FANCA: variants seen among roughly 807,000 people sequenced by gnomAD.
FANCA encodes the protein FA complementation group A.
Under a neutral mutation model 194.3 loss-of-function variants are expected in FANCA, and 236 were observed. That is an observed-to-expected ratio of 1.21 (90% CI 1.09 to 1.35). FANCA has a LOEUF of 1.35. Ranked by LOEUF, FANCA falls within the 40% of genes most tolerant of loss-of-function variation. The pLI, the probability that FANCA is intolerant of heterozygous loss-of-function variation, is 0.00. For synonymous variants in FANCA, 1,014 were observed against 715.8 expected (o/e 1.42, Z -6.65); for missense variants, 2,628 against 1,813.9 (o/e 1.45, Z -8.15).
intron 36 of FANCA, chr16:89,744,573 G>A (rs1490589823): frequency 3.0e-6 from 1 of 337,672 alleles, no homozygotes; most frequent in African/African-American, 2.1e-5. Flanking sequence ...AAGAGGAAGG[G>A]GAGCAGGTGC....
At chr16:89,813,806 C>CTCTGTGTGTGTGTG (rs1555578001) in intron 3 of FANCA, among the ~76,000 whole-genome samples, 1 of 149,432 alleles carries the variant, frequency 6.7e-6, no homozygotes, top group African/African-American at 2.5e-5. Flanking sequence ...AAGTCTTTTA[C>CTCTGTGTGTGTGTG]TGTGTGTGTG....
chr16:89,780,598 T>G (rs1340312642), intron 17 of FANCA, among the ~76,000 whole-genome samples: 1 of 147,988 alleles, frequency 6.8e-6, no homozygotes, highest in African/African-American at 2.5e-5. Flanking sequence ...TACTGCAGCC[T>G]GGGCAACAGG....
At chr16:89,758,493 C>G in intron 30 of FANCA, 84 bp downstream of exon 30, 2 of 1,546,514 alleles carry the variant, frequency 1.3e-6, no homozygotes, top group Non-Finnish European at 1.8e-6. Flanking sequence ...TAGATGGGCA[C>G]CAGCATGGCC....
chr16:89,798,487 A>G, intron 10 of FANCA: 1 of 1,097,806 alleles, frequency 9.1e-7, no homozygotes. Flanking sequence ...GAAAAGGTTG[A>G]CAAGGCCTGG....
intron 10 of FANCA, among the ~76,000 whole-genome samples, chr16:89,797,860 A>C (rs1345364251): frequency 1.3e-5 from 2 of 152,102 alleles, no homozygotes; most frequent in African/African-American, 4.8e-5. Flanking sequence ...TCACCACTGC[A>C]CTCCAGCCTG....
At chr16:89,800,763 G>A (rs576902526) in intron 8 of FANCA, among the ~76,000 whole-genome samples, 4 of 152,288 alleles carry the variant, frequency 2.6e-5, no homozygotes, top group South Asian at 2.1e-4. Context: ...GGGAACTGTG[G>A]CCCACGCCTG....
chr16:89,761,994 T>C lies in FANCA; in HGVS notation c.2807A>G (p.Glu936Gly), dbSNP rs766643461. ...HLTYQDWLHL[E>G]LEIQPEADAL... is the part of the protein sequence containing the mutation. ...ATCAGCTTCAGGTTGAATTTCCAGCTCCAGGTGTAACCAGTCTTGGTAAGT... is the reference window on the plus strand; with the variant it reads ...ATCAGCTTCAGGTTGAATTTCCAGCCCCAGGTGTAACCAGTCTTGGTAAGT... Residue 936 changes from glutamate to glycine, a missense_variant, in exon 29 of 43, where the codon GAG becomes GGG. Glu to Gly is a moderately conservative substitution (Grantham distance 98). Coordinates refer to ENST00000389301, the MANE Select transcript of FANCA (RefSeq NM_000135.4). 1.5e-5 allele frequency: 25 copies of C among 1,614,066 alleles called. No individual in the cohort carries two copies. Among genetic ancestry groups the C allele is most frequent in the Non-Finnish European group, 2.0e-5 (24 of 1,179,956 alleles).
At chr16:89,757,745 C>A (rs1195954508) in intron 30 of FANCA, among the ~76,000 whole-genome samples, 1 of 152,244 alleles carries the variant, frequency 6.6e-6, no homozygotes, top group African/African-American at 2.4e-5. Flanking sequence ...ACCTCAGGAA[C>A]TGCTCTGTCC....
chr16:89,761,828 G>A, intron 29 of FANCA, 121 bp downstream of exon 29: 2 of 800,814 alleles, frequency 2.5e-6, no homozygotes, highest in Non-Finnish European at 4.4e-6. Context: ...GTTTCCCCAT[G>A]TTGCCCAGGC....
At chr16:89,752,999 A>G (rs1413220715) in intron 30 of FANCA, among the ~76,000 whole-genome samples, 1 of 152,180 alleles carries the variant, frequency 6.6e-6, no homozygotes, top group Non-Finnish European at 1.5e-5. Context: ...TCTCCCTGTG[A>G]TGCTGTGCTT....
At chr16:89,766,100 G>A (rs1019727871) in intron 27 of FANCA, among the ~76,000 whole-genome samples, 1 of 151,642 alleles carries the variant, frequency 6.6e-6, no homozygotes, top group Non-Finnish European at 1.5e-5. Flanking sequence ...TGGTTCAAGC[G>A]ATTCTCCTGC....
chr16:89,808,370 G>GA lies in FANCA; in HGVS notation c.523-4dup. 9 of 1,613,842 alleles carry GA rather than the reference G, an allele frequency of 5.6e-6. No individual in the cohort carries two copies. Among genetic ancestry groups the GA allele is most frequent in the Non-Finnish European group, 7.6e-6 (9 of 1,179,930 alleles). ...ACCGCTTCAAGCAACAAAGAACTCTGAAAAACAAAACAAAACAAACAAAAA... is the reference window on the plus strand; with the variant it reads ...ACCGCTTCAAGCAACAAAGAACTCTGAAAAAACAAAACAAAACAAACAAAAA... On this transcript the variant is annotated splice_polypyrimidine_tract_variant and splice_region_variant and intron_variant, in intron 5 of 42. Coordinates refer to ENST00000389301, the MANE Select transcript of FANCA (RefSeq NM_000135.4).
At chr16:89,774,752 A>AAAAAAAAAAAAAAAAAC (rs2039442512) in intron 21 of FANCA, among the ~76,000 whole-genome samples, 2 of 148,216 alleles carry the variant, frequency 1.3e-5, no homozygotes, top group Non-Finnish European at 3.0e-5. Flanking sequence ...AAAAAAAAAA[A>AAAAAAAAAAAAAAAAAC]AATCTCAACG....
chr16:89,743,908 C>CTTT (rs144936523), intron 36 of FANCA, among the ~76,000 whole-genome samples: 19,095 of 152,034 alleles, frequency 0.13, 1,449 homozygotes, highest in East Asian at 0.22. Flanking sequence ...CTGCTTTCTC[C>CTTT]TTTTTTGAGA....
chr16:89,753,666 G>C (rs577297282), intron 30 of FANCA, among the ~76,000 whole-genome samples: 6 of 152,138 alleles, frequency 3.9e-5, no homozygotes, highest in Non-Finnish European at 8.8e-5. Context: ...GCAAACGTCA[G>C]ATTTAATGAG....
At chr16:89,791,607 G>T in intron 13 of FANCA, 71 bp from the exon 14 acceptor site, 2 of 1,596,078 alleles carry the variant, frequency 1.3e-6, no homozygotes, top group Admixed American at 1.7e-5. Context: ...GAGTTATGCT[G>T]GGTGATCAAG....
At chr16:89,781,384 A>C (rs1598132748) in intron 17 of FANCA, among the ~76,000 whole-genome samples, 1 of 146,720 alleles carries the variant, frequency 6.8e-6, no homozygotes, top group East Asian at 2.0e-4. Context: ...AAAAAAAAAA[A>C]AACAATACGC....
At chr16:89,768,363 T>C (rs1469255448) in intron 26 of FANCA, among the ~76,000 whole-genome samples, 1 of 152,186 alleles carries the variant, frequency 6.6e-6, no homozygotes, top group African/African-American at 2.4e-5. Context: ...TTCTAATACT[T>C]CTGTTTTACT....
At chr16:89,739,934 G>T (rs551944823) in intron 39 of FANCA, 60 bp downstream of exon 39, 94 of 1,606,014 alleles carry the variant, frequency 5.9e-5, no homozygotes, top group Non-Finnish European at 7.7e-5. Flanking sequence ...TTAACCATTT[G>T]CAAGATGCCT....
Sources: gnomAD v4.1 joint callset for allele counts (sites outside exome capture counted in the v4.1 genomes callset) on GRCh38, gnomAD v4.1.1 for gene constraint, MANE v1.5 for transcripts, NCBI Gene and HGNC (gene_info 2026-07-23, HGNC 2026-07-21) for gene names.